The following CACNG3 variants were observed in gnomAD, a reference collection of about 807,000 sequenced individuals.
The protein encoded by CACNG3 is voltage-dependent calcium channel gamma-3 subunit.
In CACNG3, 3 loss-of-function variants were observed where a neutral mutation model predicts 28.5. The observed-to-expected ratio is 0.11, with a 90% CI of 0.05 to 0.27. The LOEUF (loss-of-function observed/expected upper bound fraction) is 0.27, where lower values mean the gene tolerates loss of function less well. CACNG3 is among the 10% of genes least tolerant of loss of function. The probability of loss-of-function intolerance (pLI) is 1.00; values close to 1 mark genes in which losing one functional copy is unlikely to be tolerated. For synonymous variants in CACNG3, 174 were observed against 162.2 expected, an observed-to-expected ratio of 1.07 and a Z score of -0.55; for missense variants, 236 against 414.4, an observed-to-expected ratio of 0.57 and a Z score of 3.74.
At chr16:24,348,867 C>T (rs1450730881) in intron 2 of CACNG3, among the ~76,000 whole-genome samples, 2 of 152,222 alleles carry the variant, frequency 1.3e-5, no homozygotes, top group Non-Finnish European at 2.9e-5. Context: ...TGTGACTTCT[C>T]TTCACAACTT....
rs947156780 is a variant in CACNG3 at position 24,313,548 on chromosome 16, G to C, written c.212-33186G>C. Among the ~76,000 whole-genome samples the C allele has an allele frequency of 2.6e-5, 4 of 152,076 alleles. No individual in the cohort carries two copies. The East Asian group carries it at 5.8e-4, about 22-fold the overall frequency. On this transcript the variant is annotated intron_variant, in intron 1 of 3. Transcript: ENST00000005284. The stretch of plus-strand genomic sequence containing the variant: ...GTCTCAGGCTGAAGTGCAGTGGCAC[G>C]ATCATAGCTCACTACAGCCTCAACC...
intron 1 of CACNG3, among the ~76,000 whole-genome samples, chr16:24,335,670 A>T (rs1286817575): frequency 6.6e-6 from 1 of 152,172 alleles, no homozygotes; most frequent in East Asian, 1.9e-4. Flanking sequence ...AGCTCATCCT[A>T]TGACCAACAA....
At chr16:24,321,853 G>A (rs1401506991) in intron 1 of CACNG3, among the ~76,000 whole-genome samples, 1 of 152,120 alleles carries the variant, frequency 6.6e-6, no homozygotes, top group Non-Finnish European at 1.5e-5. Flanking sequence ...ATTAATTACT[G>A]TTGTTACTCT....
chr16:24,297,274 TA>T (rs564233442), intron 1 of CACNG3, among the ~76,000 whole-genome samples: 57 of 125,032 alleles, frequency 4.6e-4, no homozygotes, highest in East Asian at 2.9e-3. Context: ...TAAAATAAAA[TA>T]AAATAAATAA....
intron 1 of CACNG3, among the ~76,000 whole-genome samples, chr16:24,322,960 T>C (rs1899484947): frequency 1.3e-5 from 2 of 152,102 alleles, no homozygotes; most frequent in Non-Finnish European, 2.9e-5. Flanking sequence ...GTGTGGCAGC[T>C]CACACCTGTA....
chr16:24,278,829 C>G (rs529913646), intron 1 of CACNG3, among the ~76,000 whole-genome samples: 1 of 152,284 alleles, frequency 6.6e-6, no homozygotes, highest in African/African-American at 2.4e-5. Context: ...GATTTGAACT[C>G]AAATGATATA....
At chr16:24,302,384 TTACAAAA>T (rs1205664197) in intron 1 of CACNG3, among the ~76,000 whole-genome samples, 16 of 152,190 alleles carry the variant, frequency 1.1e-4, no homozygotes, top group Non-Finnish European at 2.2e-4. Context: ...AGAAATGCAG[TTACAAAA>T]TACAAAATAC....
chr16:24,343,139 T>C (rs1453439525), intron 1 of CACNG3, among the ~76,000 whole-genome samples: 1 of 152,054 alleles, frequency 6.6e-6, no homozygotes, highest in Non-Finnish European at 1.5e-5. Flanking sequence ...CAGTGGGCTA[T>C]GATTACACCA....
intron 1 of CACNG3, among the ~76,000 whole-genome samples, chr16:24,272,005 C>A (rs191616470): frequency 1.4e-4 from 22 of 152,088 alleles, no homozygotes; most frequent in African/African-American, 4.8e-4. Flanking sequence ...ATACTTGTTT[C>A]TTATCCTTAA....
At chr16:24,263,703 G>C (rs1898563331) in intron 1 of CACNG3, among the ~76,000 whole-genome samples, 1 of 152,150 alleles carries the variant, frequency 6.6e-6, no homozygotes, top group Non-Finnish European at 1.5e-5. Flanking sequence ...CCTGTGAAAT[G>C]GGGAAATAAA....
chr16:24,352,066 G>A (rs1400766101), intron 2 of CACNG3, among the ~76,000 whole-genome samples: 1 of 152,114 alleles, frequency 6.6e-6, no homozygotes, highest in Non-Finnish European at 1.5e-5. Flanking sequence ...CCTGTGTGCC[G>A]TCAGCCCCCA....
rs548682420 is a variant in CACNG3, at chr16:24,295,409, T to C, written c.211+38444T>C. Among the ~76,000 whole-genome samples, 5 of 152,316 alleles carry C rather than the reference T, an allele frequency of 3.3e-5. No homozygotes were observed. In the East Asian group the frequency reaches 9.6e-4, roughly 29 times the overall value. On this transcript the variant is annotated intron_variant, in intron 1 of 3. Transcript: ENST00000005284. ...GCTAGATGTCAGTCTCCAGAGACAGTGCAATTTCTGCCTACGTTGTTGTTA... is the reference window on the plus strand; with the variant it reads ...GCTAGATGTCAGTCTCCAGAGACAGCGCAATTTCTGCCTACGTTGTTGTTA...
At chr16:24,311,149 T>G (rs1002112202) in intron 1 of CACNG3, among the ~76,000 whole-genome samples, 15 of 152,234 alleles carry the variant, frequency 9.9e-5, no homozygotes, top group African/African-American at 3.6e-4. Flanking sequence ...TGTCCCAATT[T>G]TGTCATCTGT....
intron 1 of CACNG3, among the ~76,000 whole-genome samples, chr16:24,325,546 C>G (rs998769690): frequency 6.6e-6 from 1 of 152,234 alleles, no homozygotes; most frequent in Non-Finnish European, 1.5e-5. Flanking sequence ...CCCCGCCAAC[C>G]CCAGCGAGCT....
At chr16:24,325,881 A>G (rs1214181221) in intron 1 of CACNG3, among the ~76,000 whole-genome samples, 1 of 152,252 alleles carries the variant, frequency 6.6e-6, no homozygotes, top group Non-Finnish European at 1.5e-5. Flanking sequence ...TGCAAAGTAC[A>G]GAAATCCATT....
chr16:24,344,105 C>T (rs897123272), intron 1 of CACNG3, among the ~76,000 whole-genome samples: 9 of 152,058 alleles, frequency 5.9e-5, no homozygotes, highest in African/African-American at 2.2e-4. Context: ...TTAGGCACCT[C>T]ATAAAGTCAT....
intron 1 of CACNG3, among the ~76,000 whole-genome samples, chr16:24,269,580 C>G (rs1209867426): frequency 1.3e-5 from 2 of 151,776 alleles, no homozygotes; most frequent in African/African-American, 4.8e-5. Flanking sequence ...AACACTGTCT[C>G]TACTAAAAAT....
chr16:24,353,242 T>C lies in CACNG3; in HGVS notation c.296-1591T>C, dbSNP rs186093731. Among the ~76,000 whole-genome samples the C allele has an allele frequency of 7.0e-3, 1,066 of 152,304 alleles. 4 individuals carry two copies. Among genetic ancestry groups the C allele is most frequent in the African/African-American group, 0.023 (964 of 41,564 alleles). ...CACCCACCTCTGCCTCCCAAAGTGT[T>C]GGGATTACAGGCTTGAGCCACCATG... On this transcript the variant is annotated intron_variant, in intron 2 of 3. Coordinates refer to ENST00000005284, the MANE Select transcript of CACNG3 (RefSeq NM_006539.4).
At chr16:24,337,867 C>T (rs894302708) in intron 1 of CACNG3, among the ~76,000 whole-genome samples, 5 of 137,828 alleles carry the variant, frequency 3.6e-5, no homozygotes, top group Admixed American at 7.4e-5. Context: ...GCAACTCAAC[C>T]TCCTAGATTT....
Sources: allele counts gnomAD v4.1 joint callset (sites outside exome capture counted in the v4.1 genomes callset), GRCh38; gene constraint gnomAD v4.1.1; transcripts MANE v1.5; gene names NCBI Gene and HGNC (gene_info 2026-07-23, HGNC 2026-07-21).